The following ARHGEF6 variants were observed in gnomAD, a reference collection of about 807,000 sequenced individuals.
The protein encoded by ARHGEF6 is rho guanine nucleotide exchange factor 6.
ARHGEF6 carries 9 observed loss-of-function variants against 70.3 expected under a neutral mutation model. The observed-to-expected ratio is 0.13, with a 90% CI of 0.08 to 0.22. The LOEUF is 0.22. ARHGEF6 is among the 10% of genes least tolerant of loss of function. ARHGEF6 has a pLI of 1.00. For synonymous variants in ARHGEF6, 201 were observed against 207.8 expected, an observed-to-expected ratio of 0.97 and a Z score of 0.28; for missense variants, 470 against 563.0, an observed-to-expected ratio of 0.83 and a Z score of 1.67.
intron 2 of ARHGEF6, among the ~76,000 whole-genome samples, chrX:136,766,371 C>T (rs1224711226): frequency 9.8e-6 from 1 of 101,796 alleles, no homozygotes; most frequent in South Asian, 4.6e-4. Context: ...TGAAATTTAT[C>T]CTATTTTGTG....
At chrX:136,749,667 T>C (rs1462362425) in intron 2 of ARHGEF6, among the ~76,000 whole-genome samples, 1 of 111,658 alleles carries the variant, frequency 9.0e-6, no homozygotes, top group Non-Finnish European at 1.9e-5. Context: ...AGTCATTGCA[T>C]CTGCTTGAGG....
intron 6 of ARHGEF6, among the ~76,000 whole-genome samples, chrX:136,727,867 C>T (rs991914335): frequency 5.4e-5 from 6 of 110,542 alleles, no homozygotes; most frequent in African/African-American, 2.0e-4. Flanking sequence ...CAGGTGCCTC[C>T]GAGACAAAGG....
intron 13 of ARHGEF6, among the ~76,000 whole-genome samples, chrX:136,682,519 G>A (rs1038654644): frequency 4.5e-5 from 5 of 111,943 alleles, no homozygotes; most frequent in East Asian, 2.8e-4. Context: ...ATTTATGCAT[G>A]CAAAACCTAG....
At chrX:136,754,286 C>A (rs188262708) in intron 2 of ARHGEF6, among the ~76,000 whole-genome samples, 8 of 111,085 alleles carry the variant, frequency 7.2e-5, no homozygotes, top group African/African-American at 2.6e-4. Context: ...AAAGGGAGAG[C>A]AAAAGAGAAC....
intron 6 of ARHGEF6, among the ~76,000 whole-genome samples, chrX:136,721,265 AT>A (rs1419096236): frequency 8.9e-6 from 1 of 112,523 alleles, no homozygotes; most frequent in African/African-American, 3.2e-5. Flanking sequence ...AAAATATGGT[AT>A]AAAAACACAA....
chrX:136,682,964 A>AT (rs996818199), intron 12 of ARHGEF6, 120 bp from the exon 13 acceptor site: 1,164 of 537,587 alleles, frequency 2.2e-3, no homozygotes, highest in Non-Finnish European at 2.7e-3. Flanking sequence ...ATTAACGGTA[A>AT]TTTTTTTTTT....
chrX:136,694,781 C>T (rs148218568), intron 9 of ARHGEF6, among the ~76,000 whole-genome samples: 179 of 111,610 alleles, frequency 1.6e-3, no homozygotes, highest in Non-Finnish European at 2.7e-3. Flanking sequence ...GGGGAAATCC[C>T]GAAATACCTC....
At chrX:136,754,713 T>A (rs770381715) in intron 2 of ARHGEF6, among the ~76,000 whole-genome samples, 1 of 111,851 alleles carries the variant, frequency 8.9e-6, no homozygotes, top group South Asian at 3.7e-4. Flanking sequence ...CTCTTGTCAA[T>A]AGCCCTTGCC....
At chrX:136,694,302 C>T (rs1177401043) in intron 9 of ARHGEF6, among the ~76,000 whole-genome samples, 2 of 112,055 alleles carry the variant, frequency 1.8e-5, no homozygotes, top group African/African-American at 6.5e-5. Flanking sequence ...ATCCACCTGC[C>T]TCGGCCACCC....
At chrX:136,755,189 A>C (rs1218299497) in intron 2 of ARHGEF6, among the ~76,000 whole-genome samples, 1 of 112,065 alleles carries the variant, frequency 8.9e-6, no homozygotes, top group Admixed American at 9.4e-5. Context: ...CTTTTGGAAA[A>C]TAATTTGTTT....
In ARHGEF6 at chrX:136,712,406, C is replaced by T. The variant is rs1425897193; in HGVS notation, c.827+870G>A. Among the ~76,000 whole-genome samples, 4 of 112,612 alleles carry T rather than the reference C, an allele frequency of 3.6e-5. No individual in the cohort carries two copies. In the Admixed American group the frequency reaches 3.8e-4, roughly 11 times the overall value. On this transcript the variant is annotated intron_variant, in intron 7 of 21. Coordinates refer to ENST00000250617, the MANE Select transcript of ARHGEF6 (RefSeq NM_004840.3). ...GGGATTACAGGCTTTTCAGCCATCA[C>T]ACCCGGCCAAATTTCTCAAATATAT... is the stretch of plus-strand genomic sequence containing the variant.
In ARHGEF6 at chrX:136,669,374, C is replaced by T. The variant is rs1485533895; in HGVS notation, c.2190+108G>A. 1.0e-5 allele frequency: 7 copies of T among 688,883 alleles called. No homozygotes were observed. The Admixed American group carries it at 1.5e-4, about 15-fold the overall frequency. The allele number at this position is 688,883 out of a possible 1,213,427, so 56.8% of individuals were successfully genotyped here. On this transcript the variant is annotated intron_variant, in intron 21 of 21. Transcript: ENST00000250617. ...TTGATGACACAAGGAAAACAAAAATCCCCCCTCGCTACCTTGCTCCTAGGC... is the reference window on the plus strand; with the variant it reads ...TTGATGACACAAGGAAAACAAAAATTCCCCCTCGCTACCTTGCTCCTAGGC...
chrX:136,686,788 C>T (rs917890901), intron 11 of ARHGEF6, among the ~76,000 whole-genome samples: 2 of 95,500 alleles, frequency 2.1e-5, no homozygotes, highest in African/African-American at 3.8e-5. Context: ...TAACAGCATG[C>T]CTTCCAAATT....
At chrX:136,677,979 GAGA>G in intron 16 of ARHGEF6, 23 bp from the exon 17 acceptor site, 1 of 1,189,784 alleles carries the variant, frequency 8.4e-7, no homozygotes, top group Non-Finnish European at 1.1e-6. Context: ...TGTAAAGAAA[GAGA>G]AGATGAGCGT....
At chrX:136,742,471 G>A (rs1226074147) in intron 5 of ARHGEF6, among the ~76,000 whole-genome samples, 4 of 111,917 alleles carry the variant, frequency 3.6e-5, no homozygotes, top group Non-Finnish European at 5.6e-5. Flanking sequence ...GAAATAATGC[G>A]CTGAGCTAAC....
At chrX:136,756,671 G>A (rs1405887742) in intron 2 of ARHGEF6, among the ~76,000 whole-genome samples, 1 of 111,836 alleles carries the variant, frequency 8.9e-6, no homozygotes, top group Non-Finnish European at 1.9e-5. Flanking sequence ...CCTAACACCT[G>A]CTAAACTTGG....
At chrX:136,775,173 A>G (rs1432471356) in intron 2 of ARHGEF6, among the ~76,000 whole-genome samples, 1 of 111,359 alleles carries the variant, frequency 9.0e-6, no homozygotes, top group African/African-American at 3.3e-5. Context: ...ACAGAGAGAG[A>G]TAATCCTCCC....
intron 6 of ARHGEF6, among the ~76,000 whole-genome samples, chrX:136,722,175 A>G (rs1446261040): frequency 8.9e-6 from 1 of 111,790 alleles, no homozygotes; most frequent in Non-Finnish European, 1.9e-5. Context: ...ACCTCATACC[A>G]TATACAAAAA....
At chrX:136,739,991 T>C (rs901405447) in intron 5 of ARHGEF6, among the ~76,000 whole-genome samples, 10 of 109,976 alleles carry the variant, frequency 9.1e-5, no homozygotes, top group African/African-American at 2.4e-4. Context: ...TGGGGAGCCA[T>C]GACCCAAGTT....
Sources: allele counts gnomAD v4.1 joint callset (sites outside exome capture counted in the v4.1 genomes callset), GRCh38; gene constraint gnomAD v4.1.1; transcripts MANE v1.5; gene names NCBI Gene and HGNC (gene_info 2026-07-23, HGNC 2026-07-21).